Variants in HTT observed in about 807,000 individuals in gnomAD.
The protein encoded by HTT is huntington disease protein.
A neutral mutation model predicts 362.3 loss-of-function variants in HTT; 104 were observed. The ratio of observed to expected loss-of-function variants is 0.29; its 90% CI spans 0.24 to 0.34. The LOEUF is 0.34. HTT is among the 10% of genes least tolerant of loss of function. HTT has a pLI of 1.00. For missense variants in HTT, 3,301 were observed against 3,928.6 expected, an observed-to-expected ratio of 0.84 and a Z score of 4.27; for synonymous variants, 1,577 against 1,548.7, an observed-to-expected ratio of 1.02 and a Z score of -0.43.
intron 37 of HTT, among the ~76,000 whole-genome samples, chr4:3,184,638 A>C (rs1169936071): frequency 6.6e-6 from 1 of 152,038 alleles, no homozygotes; most frequent in African/African-American, 2.4e-5. Context: ...GCTGTGGACA[A>C]GGTAGGGCAG....
At position 3,127,235 on chromosome 4, in the gene HTT, T is replaced by C. The variant is rs775020964; in HGVS notation, c.1403-29T>C. 1.1e-5 allele frequency: 17 copies of C among 1,543,250 alleles called. No individual in the cohort carries two copies. In the African/African-American group the frequency reaches 2.2e-4, roughly 20 times the overall value. ...CCTATTGAATGTTTTCTCTCGCCATTTGACAAATGAGTGTTTCTCTGTCTT... is the reference window on the plus strand; with the variant it reads ...CCTATTGAATGTTTTCTCTCGCCATCTGACAAATGAGTGTTTCTCTGTCTT... On this transcript the variant is annotated intron_variant, in intron 11 of 66. Transcript: ENST00000355072.
At chr4:3,212,496 G>T in intron 48 of HTT, 68 bp from the exon 49 acceptor site, 1 of 1,550,904 alleles carries the variant, frequency 6.4e-7, no homozygotes, top group South Asian at 1.2e-5. Context: ...AGAATTGCTT[G>T]ACTGCCTTTC....
intron 15 of HTT, 66 bp downstream of exon 15, chr4:3,131,463 C>T (rs1251501537): frequency 2.6e-5 from 38 of 1,468,490 alleles, no homozygotes; most frequent in Non-Finnish European, 3.2e-5. Context: ...AGCTTGGTGG[C>T]CTGTTTTTGC....
rs756404138 is a variant in HTT at position 3,233,390 on chromosome 4, T to C, written c.8456+37T>C. 4 of 1,561,606 alleles carry C rather than the reference T, an allele frequency of 2.6e-6. No homozygotes were observed. The Admixed American group carries it at 6.8e-5, about 26-fold the overall frequency. On this transcript the variant is annotated intron_variant, in intron 61 of 66. Coordinates refer to ENST00000355072, the MANE Select transcript of HTT (RefSeq NM_001388492.1). ...CCTGGCTGGGGCTGGGGCGGGGGTC[T>C]CAGAATGAGCTGTGAAGGAAGCAGC...
At chr4:3,128,237 C>A in intron 12 of HTT, 1 of 152,600 alleles carries the variant, frequency 6.6e-6, no homozygotes, top group Non-Finnish European at 1.5e-5. Flanking sequence ...CCGGCCCTGC[C>A]ACCTGCCATC....
Position 3,160,359 on chromosome 4 carries a change from A to G in HTT, c.3831A>G (p.Ile1277Met). 1 of 1,555,170 alleles carries G rather than the reference A, an allele frequency of 6.4e-7. No individual in the cohort carries two copies. The highest frequency in any genetic ancestry group is 8.7e-7 in the Non-Finnish European group (1 of 1,148,124). Residue 1277 changes from isoleucine (I) to methionine (M), a missense_variant, in exon 29 of 67, where the codon ATA becomes ATG. Transcript: ENST00000355072. ...CAGCCTTGGATGTTCTTTCTCAGATACTAGAGCTGGCCACACTGCAGGACA... is the reference window on the plus strand; with the variant it reads ...CAGCCTTGGATGTTCTTTCTCAGATGCTAGAGCTGGCCACACTGCAGGACA... ...LRSALDVLSQ[I>M]LELATLQDIG... is the part of the protein sequence containing the mutation.
chr4:3,080,274 T>C (rs1013577223), intron 1 of HTT, among the ~76,000 whole-genome samples: 2 of 152,100 alleles, frequency 1.3e-5, no homozygotes, highest in Non-Finnish European at 1.5e-5. Flanking sequence ...TTTGTGTTTT[T>C]AGTAGAGATG....
intron 59 of HTT, 66 bp downstream of exon 59, chr4:3,229,075 CCACACACACACACCGCCCA>C: frequency 6.8e-7 from 1 of 1,472,844 alleles, no homozygotes; most frequent in Non-Finnish European, 9.3e-7. Flanking sequence ...GCCACACACC[CCACACACACACACCGCCCA>C]CACACATGCC....
intron 9 of HTT, among the ~76,000 whole-genome samples, chr4:3,122,441 G>A (rs558848499): frequency 2.6e-5 from 4 of 152,282 alleles, no homozygotes; most frequent in Admixed American, 6.5e-5. Flanking sequence ...CTGCTGCCTC[G>A]TGTGAACATA....
At chr4:3,153,371 G>A (rs901370517) in intron 26 of HTT, among the ~76,000 whole-genome samples, 7 of 152,212 alleles carry the variant, frequency 4.6e-5, no homozygotes, top group African/African-American at 1.7e-4. Context: ...AGATCAGGGA[G>A]TGAGTAAGTA....
rs1376443685 is a variant in HTT at position 3,241,566 on chromosome 4, A to G, written c.*1507A>G. On this transcript the variant is annotated 3_prime_UTR_variant, in exon 67 of 67. Coordinates refer to ENST00000355072, the MANE Select transcript of HTT (RefSeq NM_001388492.1). ...GAGCCAGGCAAGGTTGGCGACTGTC[A>G]TGTGGCTTGGTTTGGTCATGCCCGT... 6.6e-6 allele frequency: 1 copy of G among 152,304 alleles called. No homozygotes were observed. Among genetic ancestry groups the G allele is most frequent in the Non-Finnish European group, 1.5e-5 (1 of 68,090 alleles). 9.4% of individuals were successfully genotyped at this position (152,304 alleles called of 1,614,324 possible).
chr4:3,231,708 C>T (rs1481268941), intron 60 of HTT, among the ~76,000 whole-genome samples: 4 of 152,084 alleles, frequency 2.6e-5, no homozygotes, highest in Non-Finnish European at 4.4e-5. Context: ...CTCTTCACGG[C>T]GAACACCCTC....
At position 3,130,213 on chromosome 4, in the gene HTT, A is replaced by T; in HGVS notation, c.1868-92A>T. ...AATAATCATACTTTTTCTTGATCTA[A>T]ATCTTATACTTTTGAGTTATCTTAG... On this transcript the variant is annotated intron_variant, in intron 13 of 66. Coordinates refer to ENST00000355072, the MANE Select transcript of HTT (RefSeq NM_001388492.1). The T allele has an allele frequency of 3.7e-6, 4 of 1,074,498 alleles. No homozygotes were observed. In the South Asian group the frequency reaches 4.9e-5, roughly 13 times the overall value. The allele number at this position is 1,074,498 out of a possible 1,614,324, so 66.6% of individuals were successfully genotyped here. A position where few individuals can be genotyped will look rare whatever the true frequency, so the allele number is the denominator to read the frequency against.
In HTT at chr4:3,127,520, G is replaced by C; in HGVS notation, c.1659G>C (p.Gln553His). 6.2e-7 allele frequency: 1 copy of C among 1,614,188 alleles called. No homozygotes were observed. Among genetic ancestry groups the C allele is most frequent in the Non-Finnish European group, 8.5e-7 (1 of 1,180,030 alleles). ...DPAMDLNDGT[Q>H]ASSPISDSSQ... ...CCATGGACCTGAATGATGGGACCCA[G>C]GCCTCGTCGCCCATCAGCGACAGCT... The change falls in exon 12 of 67, where the codon CAG becomes CAC. Residue 553 changes from glutamine (Q) to histidine (H), a missense_variant. Around this residue, in one of 4 missense-constraint regions of HTT, gnomAD observed 2,316 missense variants for 2,658.5 expected, o/e 0.87. Transcript: ENST00000355072.
intron 51 of HTT, among the ~76,000 whole-genome samples, chr4:3,216,836 TAAA>T (rs1338831817): frequency 6.6e-6 from 1 of 151,920 alleles, no homozygotes; most frequent in African/African-American, 2.4e-5. Flanking sequence ...CCATCCCAGC[TAAA>T]ACGGTGAAAC....
Position 3,140,625 on chromosome 4 carries a change from C to T in HTT, c.2914C>T (p.Pro972Ser). The T allele has an allele frequency of 6.2e-7, 1 of 1,614,064 alleles. No individual in the cohort carries two copies. Among genetic ancestry groups the T allele is most frequent in the African/African-American group, 1.3e-5 (1 of 75,060 alleles). The change falls in exon 22 of 67, where the codon CCA (proline) becomes TCA (serine). Residue 972 changes from proline to serine, a missense_variant. Coordinates refer to ENST00000355072, the MANE Select transcript of HTT (RefSeq NM_001388492.1). The part of the protein sequence containing the change: ...LKLLMHETQP[P>S]SHFSVSTITR... Reference sequence around the variant, plus strand: ...ACTTCTCATGCATGAGACGCAGCCTCCATCTCATTTCTCCGTCAGCACAAT... The same window carrying T: ...ACTTCTCATGCATGAGACGCAGCCTTCATCTCATTTCTCCGTCAGCACAAT...
intron 1 of HTT, among the ~76,000 whole-genome samples, chr4:3,079,467 G>C (rs1712771787): frequency 6.6e-6 from 1 of 152,138 alleles, no homozygotes; most frequent in Non-Finnish European, 1.5e-5. Flanking sequence ...TAAGAGTCTA[G>C]TGTAAGGGTG....
At chr4:3,084,232 T>C (rs562966668) in intron 1 of HTT, among the ~76,000 whole-genome samples, 32 of 136,416 alleles carry the variant, frequency 2.3e-4, no homozygotes, top group African/African-American at 8.1e-4. Flanking sequence ...GGCGACAGAG[T>C]CTTGCTCTGT....
chr4:3,086,178 A>G (rs759857947), intron 1 of HTT, among the ~76,000 whole-genome samples: 12 of 152,238 alleles, frequency 7.9e-5, no homozygotes, highest in Non-Finnish European at 1.8e-4. Context: ...TTCTAATCAA[A>G]CTATACCACT....
Sources: allele counts gnomAD v4.1 joint callset (sites outside exome capture counted in the v4.1 genomes callset), GRCh38; gene constraint gnomAD v4.1.1; regional missense constraint gnomAD v4.1.1; transcripts MANE v1.5; gene names NCBI Gene and HGNC (gene_info 2026-07-23, HGNC 2026-07-21).